Variants in MYRIP observed in about 807,000 individuals in gnomAD.
MYRIP encodes the protein myosin VIIA and Rab interacting protein, also known as rab effector MyRIP.
In MYRIP, 49 loss-of-function variants were observed where a neutral mutation model predicts 98.0. The observed-to-expected ratio is 0.50, with a 90% CI of 0.40 to 0.63. MYRIP has a LOEUF of 0.63. Ranked by LOEUF, MYRIP falls within the 30% of genes least tolerant of loss-of-function variation. The pLI is 0.00. For synonymous variants in MYRIP, 404 were observed against 409.5 expected, an observed-to-expected ratio of 0.99 and a Z score of 0.16; for missense variants, 1,004 against 1,058.2, an observed-to-expected ratio of 0.95 and a Z score of 0.71.
At chr3:39,838,783 G>T (rs1173646763) in intron 1 of MYRIP, among the ~76,000 whole-genome samples, 1 of 152,122 alleles carries the variant, frequency 6.6e-6, no homozygotes, top group Non-Finnish European at 1.5e-5. Context: ...CAGAAGGAAT[G>T]GTACCAGCTC....
intron 1 of MYRIP, among the ~76,000 whole-genome samples, chr3:39,832,671 A>T (rs1269510245): frequency 1.3e-5 from 2 of 152,202 alleles, no homozygotes; most frequent in Non-Finnish European, 2.9e-5. Flanking sequence ...ATCTGGAAGG[A>T]AAGAAATAAT....
intron 4 of MYRIP, among the ~76,000 whole-genome samples, chr3:40,154,902 T>A (rs998230146): frequency 2.6e-5 from 4 of 152,224 alleles, no homozygotes; most frequent in Admixed American, 2.6e-4. Context: ...AAATAATATA[T>A]GCTTTATTTA....
At chr3:39,905,978 G>A (rs1943869431) in intron 2 of MYRIP, among the ~76,000 whole-genome samples, 1 of 152,082 alleles carries the variant, frequency 6.6e-6, no homozygotes, top group African/African-American at 2.4e-5. Context: ...TACTAGTCAA[G>A]GTCATGTGAG....
intron 3 of MYRIP, among the ~76,000 whole-genome samples, chr3:40,149,776 T>C (rs1394159159): frequency 6.6e-6 from 1 of 152,196 alleles, no homozygotes; most frequent in East Asian, 1.9e-4. Flanking sequence ...GTTACCTTTA[T>C]GCTATCATTG....
chr3:39,977,797 C>T (rs1200255668), intron 2 of MYRIP, among the ~76,000 whole-genome samples: 1 of 152,168 alleles, frequency 6.6e-6, no homozygotes, highest in Non-Finnish European at 1.5e-5. Flanking sequence ...ACCCAACCTT[C>T]CAGGCCCCTC....
chr3:40,116,420 C>A (rs376914301), intron 3 of MYRIP, among the ~76,000 whole-genome samples: 4 of 35,118 alleles, frequency 1.1e-4, no homozygotes, highest in African/African-American at 3.0e-4. Context: ...GGAAAACATC[C>A]CCCTACTGTA....
Position 40,181,442 on chromosome 3 carries a change from G to T in MYRIP, c.874-778G>T, listed in dbSNP as rs928505814. On this transcript the variant is annotated intron_variant, in intron 8 of 16. Transcript: ENST00000302541. ...CAGGTGGAAGCCCACTGCAAAGGGGGTCTGAGTTTTGGATCAGTACTTTGT... is the reference window on the plus strand; with the variant it reads ...CAGGTGGAAGCCCACTGCAAAGGGGTTCTGAGTTTTGGATCAGTACTTTGT... Among the ~76,000 whole-genome samples the T allele has an allele frequency of 8.5e-5, 13 of 152,304 alleles. No homozygotes were observed. The East Asian group carries it at 2.5e-3, about 29-fold the overall frequency.
chr3:39,971,219 TG>T (rs1258134100), intron 2 of MYRIP, among the ~76,000 whole-genome samples: 1 of 152,060 alleles, frequency 6.6e-6, no homozygotes, highest in Non-Finnish European at 1.5e-5. Context: ...TTGTTTTCAT[TG>T]GTTACCCTTT....
At chr3:39,982,426 T>A (rs1176483671) in intron 2 of MYRIP, among the ~76,000 whole-genome samples, 4 of 152,200 alleles carry the variant, frequency 2.6e-5, no homozygotes, top group Non-Finnish European at 4.4e-5. Context: ...AATGTCAGTT[T>A]TCCAGTTTTC....
At chr3:39,980,130 C>T (rs888611593) in intron 2 of MYRIP, among the ~76,000 whole-genome samples, 1 of 149,712 alleles carries the variant, frequency 6.7e-6, no homozygotes, top group East Asian at 2.0e-4. Context: ...GACAGGAGTT[C>T]GGGTACATAT....
At chr3:39,836,747 A>G (rs2100690) in intron 1 of MYRIP, among the ~76,000 whole-genome samples, 97,841 of 152,140 alleles carry the variant, frequency 0.64, 31,852 homozygotes, top group African/African-American at 0.73. Flanking sequence ...CACTCCAAGC[A>G]TTTATTTAGT....
chr3:40,150,918 C>A, intron 3 of MYRIP, 130 bp from the exon 4 acceptor site: 1 of 902,812 alleles, frequency 1.1e-6, no homozygotes, highest in Non-Finnish European at 1.6e-6. Context: ...GAGAAAGTCA[C>A]AAGGCCCGCC....
intron 3 of MYRIP, chr3:40,100,191 C>G (rs1300739601): frequency 1.0e-6 from 1 of 985,270 alleles, no homozygotes; most frequent in Non-Finnish European, 1.2e-6. Flanking sequence ...AATTATTTCT[C>G]AAGACACGTG....
At chr3:40,091,539 T>C (rs554148482) in intron 3 of MYRIP, among the ~76,000 whole-genome samples, 35 of 152,352 alleles carry the variant, frequency 2.3e-4, no homozygotes, top group African/African-American at 6.3e-4. Context: ...GTAAATTTAA[T>C]GGTCATGTGG....
In MYRIP at chr3:40,062,073, T is replaced by G. The variant is rs531653661; in HGVS notation, c.332+17802T>G. On this transcript the variant is annotated intron_variant, in intron 3 of 16. Coordinates refer to ENST00000302541, the MANE Select transcript of MYRIP (RefSeq NM_015460.4). ...TGACTCTTTACTCTGATAGTTTCTT[T>G]TGCTGTGCAGAAGCTCTTAAGTTGA... 1.2e-3 allele frequency among the ~76,000 whole-genome samples: 177 copies of G among 152,368 alleles called. 2 individuals carry two copies. In the South Asian group the frequency reaches 0.034, roughly 29 times the overall value.
intron 1 of MYRIP, among the ~76,000 whole-genome samples, chr3:39,819,791 ATTCTGCAT>A (rs936754133): frequency 7.9e-5 from 12 of 152,262 alleles, no homozygotes; most frequent in African/African-American, 2.9e-4. Context: ...CTGAGGATGA[ATTCTGCAT>A]TTCTGCAGGG....
intron 2 of MYRIP, among the ~76,000 whole-genome samples, chr3:39,908,433 C>A (rs752543519): frequency 3.3e-5 from 5 of 152,220 alleles, no homozygotes; most frequent in Admixed American, 6.5e-5. Context: ...TCTTCCACCC[C>A]CCCCATTGCT....
In MYRIP at chr3:39,908,503, A is replaced by G. The variant is rs576865729; in HGVS notation, c.110+7577A>G. On this transcript the variant is annotated intron_variant, in intron 2 of 16. Transcript: ENST00000302541. ...TGCCAGGGTTTGTTGGAGACCCACT[A>G]TGAGGAAGCAAAGCCTTTCTCAAAA... Among the ~76,000 whole-genome samples the G allele has an allele frequency of 5.4e-4, 83 of 152,324 alleles. 1 individual carries two copies. The highest frequency in any genetic ancestry group is 1.8e-3 in the African/African-American group (76 of 41,584).
chr3:40,114,815 G>A (rs1949237476), intron 3 of MYRIP, among the ~76,000 whole-genome samples: 1 of 152,304 alleles, frequency 6.6e-6, no homozygotes, highest in East Asian at 1.9e-4. Flanking sequence ...CCCTGCTTGG[G>A]AAGACTATTT....
Sources: gnomAD v4.1 joint callset for allele counts (sites outside exome capture counted in the v4.1 genomes callset) on GRCh38, gnomAD v4.1.1 for gene constraint, MANE v1.5 for transcripts, NCBI Gene and HGNC (gene_info 2026-07-23, HGNC 2026-07-21) for gene names.